The following WDFY2 variants were observed in gnomAD, a reference collection of about 807,000 sequenced individuals.
The protein encoded by WDFY2 is WD repeat and FYVE domain-containing protein 2.
A neutral mutation model predicts 56.4 loss-of-function variants in WDFY2; 36 were observed. That is an observed-to-expected ratio of 0.64 (90% CI 0.49 to 0.84). The LOEUF is 0.84. WDFY2 is among the 40% of genes least tolerant of loss of function. The pLI is 0.00. For missense variants in WDFY2, 444 were observed against 512.2 expected (o/e 0.87, Z 1.29); for synonymous variants, 176 against 183.7 (o/e 0.96, Z 0.34).
chr13:51,611,076 A>G (rs1593875170), intron 1 of WDFY2, among the ~76,000 whole-genome samples: 1 of 152,342 alleles, frequency 6.6e-6, no homozygotes, highest in East Asian at 1.9e-4. Flanking sequence ...TTATGCTAGT[A>G]ATTAAGAATG....
At chr13:51,646,181 G>C (rs536390878) in intron 1 of WDFY2, among the ~76,000 whole-genome samples, 1 of 152,182 alleles carries the variant, frequency 6.6e-6, no homozygotes, top group African/African-American at 2.4e-5. Flanking sequence ...AAGAACAAGC[G>C]TGGTTTTGTG....
intron 1 of WDFY2, among the ~76,000 whole-genome samples, chr13:51,602,321 C>T (rs1354590820): frequency 6.6e-6 from 1 of 152,120 alleles, no homozygotes; most frequent in Admixed American, 6.5e-5. Flanking sequence ...AAATACTTTC[C>T]ATTGTGTTAC....
intron 3 of WDFY2, among the ~76,000 whole-genome samples, chr13:51,696,960 C>T (rs902793271): frequency 1.3e-5 from 2 of 151,918 alleles, no homozygotes; most frequent in African/African-American, 4.8e-5. Flanking sequence ...CCATGACAAT[C>T]GTATGCAAAT....
intron 3 of WDFY2, among the ~76,000 whole-genome samples, chr13:51,696,432 G>A (rs550800132): frequency 1.3e-5 from 2 of 152,250 alleles, no homozygotes; most frequent in South Asian, 2.1e-4. Flanking sequence ...GGAGCACATA[G>A]CCTTTATATT....
At chr13:51,691,786 G>A (rs1487890584) in intron 3 of WDFY2, among the ~76,000 whole-genome samples, 2 of 151,908 alleles carry the variant, frequency 1.3e-5, no homozygotes, top group African/African-American at 4.8e-5. Context: ...ATTACCTTGG[G>A]CAGTGTGGCC....
At chr13:51,718,555 T>TAC (rs1952413312) in intron 4 of WDFY2, among the ~76,000 whole-genome samples, 1 of 116,726 alleles carries the variant, frequency 8.6e-6, no homozygotes, top group Admixed American at 9.3e-5. Context: ...CTTATTATCA[T>TAC]TCATACACAC....
At chr13:51,750,996 C>T (rs1009062737) in intron 7 of WDFY2, among the ~76,000 whole-genome samples, 5 of 152,204 alleles carry the variant, frequency 3.3e-5, no homozygotes, top group Non-Finnish European at 7.4e-5. Context: ...ACATTTTGAT[C>T]ACTTAAGGAA....
chr13:51,615,045 T>A (rs1220197481), intron 1 of WDFY2, among the ~76,000 whole-genome samples: 1 of 152,238 alleles, frequency 6.6e-6, no homozygotes, highest in Non-Finnish European at 1.5e-5. Flanking sequence ...GTTCTCTCAA[T>A]TGATTTATTA....
At chr13:51,608,011 T>C (rs1002028044) in intron 1 of WDFY2, among the ~76,000 whole-genome samples, 2 of 152,150 alleles carry the variant, frequency 1.3e-5, no homozygotes, top group African/African-American at 2.4e-5. Context: ...AGCTAAGGAA[T>C]GCTGGAAGTC....
At chr13:51,659,046 C>T (rs1955564135) in intron 1 of WDFY2, among the ~76,000 whole-genome samples, 1 of 152,144 alleles carries the variant, frequency 6.6e-6, no homozygotes, top group Non-Finnish European at 1.5e-5. Flanking sequence ...CCTGCCTTAA[C>T]CTCCTGAGTA....
intron 5 of WDFY2, among the ~76,000 whole-genome samples, chr13:51,725,695 A>ATT (rs757477233): frequency 2.1e-5 from 3 of 142,232 alleles, no homozygotes; most frequent in Non-Finnish European, 3.1e-5. Context: ...TATATACACA[A>ATT]TTTTTTTTTT....
At chr13:51,687,913 AATG>A (rs1301814264) in intron 3 of WDFY2, among the ~76,000 whole-genome samples, 12 of 152,132 alleles carry the variant, frequency 7.9e-5, no homozygotes, top group African/African-American at 2.9e-4. Context: ...AGGTTTGAAA[AATG>A]ATGACGGCTG....
At chr13:51,611,004 C>T (rs1341774362) in intron 1 of WDFY2, among the ~76,000 whole-genome samples, 1 of 152,132 alleles carries the variant, frequency 6.6e-6, no homozygotes, top group East Asian at 1.9e-4. Context: ...GAGAAGTAAA[C>T]AAAAACCAAA....
chr13:51,730,561 G>A (rs1330838878), intron 6 of WDFY2, among the ~76,000 whole-genome samples: 1 of 152,194 alleles, frequency 6.6e-6, no homozygotes, highest in African/African-American at 2.4e-5. Flanking sequence ...CAGTGAGAGA[G>A]ACAAAAGCTA....
chr13:51,659,563 A>G (rs1339032819), intron 1 of WDFY2, among the ~76,000 whole-genome samples: 7 of 152,168 alleles, frequency 4.6e-5, no homozygotes, highest in Non-Finnish European at 8.8e-5. Context: ...TGTTATGGCT[A>G]GTATAATTCA....
chr13:51,649,891 G>A (rs1955340091), intron 1 of WDFY2, among the ~76,000 whole-genome samples: 1 of 152,064 alleles, frequency 6.6e-6, no homozygotes, highest in Non-Finnish European at 1.5e-5. Flanking sequence ...GGATTGACTT[G>A]GCAATGCGGG....
At chr13:51,649,902 C>T in intron 1 of WDFY2, among the ~76,000 whole-genome samples, 1 of 152,096 alleles carries the variant, frequency 6.6e-6, no homozygotes, top group Non-Finnish European at 1.5e-5. Flanking sequence ...GCAATGCGGG[C>T]TCTTTTTTGG....
In WDFY2 at chr13:51,739,115, C is replaced by G; in HGVS notation, c.665C>G (p.Ser222Cys). ...TTGTTCTCAGGCAGTTCAGATCACT[C>G]TGTCATCATGTGGGACATCGGTGGG... ...RVLFSGSSDH[S>C]VIMWDIGGRK... The change falls in exon 7 of 12, where the codon TCT (serine) becomes TGT (cysteine). Residue 222 changes from serine to cysteine, a missense_variant. Physicochemically the swap from Ser to Cys is moderately radical, Grantham distance 112 (BLOSUM62 -1). Coordinates refer to ENST00000298125, the MANE Select transcript of WDFY2 (RefSeq NM_052950.4). 1.2e-6 allele frequency: 2 copies of G among 1,601,856 alleles called. No homozygotes were observed.
At chr13:51,619,656 T>TTTAGACAAA (rs1954689077) in intron 1 of WDFY2, among the ~76,000 whole-genome samples, 1 of 152,152 alleles carries the variant, frequency 6.6e-6, no homozygotes, top group Non-Finnish European at 1.5e-5. Context: ...AAAGAAAAAC[T>TTTAGACAAA]TTAGACAAAT....
Sources: gnomAD v4.1 joint callset for allele counts (sites outside exome capture counted in the v4.1 genomes callset) on GRCh38, gnomAD v4.1.1 for gene constraint, MANE v1.5 for transcripts, NCBI Gene and HGNC (gene_info 2026-07-23, HGNC 2026-07-21) for gene names.